The following DAPK1 variants were observed in gnomAD, a reference collection of about 807,000 sequenced individuals.
The protein encoded by DAPK1 is death-associated protein kinase 1.
A neutral mutation model predicts 144.9 loss-of-function variants in DAPK1; 56 were observed. The observed-to-expected ratio is 0.39, with a 90% CI of 0.31 to 0.48. The LOEUF is 0.48. DAPK1 is among the 20% of genes least tolerant of loss of function. DAPK1 has a pLI of 0.95. For synonymous variants in DAPK1, 690 were observed against 749.0 expected, an observed-to-expected ratio of 0.92 and a Z score of 1.29; for missense variants, 1,454 against 1,875.4, an observed-to-expected ratio of 0.78 and a Z score of 4.15.
chr9:87,511,668 T>TTGTGTGTG (rs59377718), intron 2 of DAPK1, among the ~76,000 whole-genome samples: 5,307 of 140,696 alleles, frequency 0.038, 111 homozygotes, highest in Non-Finnish European at 0.048. Context: ...TCTTTTTCTT[T>TTGTGTGTG]TGTGTGTGTG....
intron 11 of DAPK1, among the ~76,000 whole-genome samples, chr9:87,644,459 C>A (rs768051802): frequency 6.6e-6 from 1 of 151,934 alleles, no homozygotes; most frequent in Admixed American, 6.6e-5. Context: ...AAACACCAAG[C>A]TCCCCTTTTT....
intron 15 of DAPK1, among the ~76,000 whole-genome samples, chr9:87,649,590 T>C (rs1318367843): frequency 6.6e-6 from 1 of 152,194 alleles, no homozygotes; most frequent in Non-Finnish European, 1.5e-5. Flanking sequence ...AAGGCTCTAT[T>C]GTTCAGACAA....
chr9:87,661,235 C>G (rs1830836210), intron 18 of DAPK1, among the ~76,000 whole-genome samples: 1 of 152,146 alleles, frequency 6.6e-6, no homozygotes, highest in African/African-American at 2.4e-5. Context: ...AGTTTGATTC[C>G]CTACCTTTGC....
At chr9:87,497,858 C>G (rs937537575), upstream of DAPK1, 8 of 392,562 alleles carry the variant, frequency 2.0e-5, no homozygotes, top group African/African-American at 8.3e-5. Flanking sequence ...GGCAAGGAGC[C>G]GAGAGGCTGC....
chr9:87,676,759 C>T (rs188923214), intron 19 of DAPK1, among the ~76,000 whole-genome samples: 129 of 152,296 alleles, frequency 8.5e-4, no homozygotes, highest in Admixed American at 1.2e-3. Flanking sequence ...CAAAGGGTGC[C>T]CTATTCAGGA....
intron 2 of DAPK1, among the ~76,000 whole-genome samples, chr9:87,538,881 T>A (rs752708798): frequency 8.6e-5 from 13 of 151,916 alleles, no homozygotes; most frequent in Non-Finnish European, 1.5e-4. Flanking sequence ...TTGGCTGTGA[T>A]GAATCTTTGT....
intron 2 of DAPK1, among the ~76,000 whole-genome samples, chr9:87,601,386 C>G (rs1301078763): frequency 6.6e-6 from 1 of 152,216 alleles, no homozygotes; most frequent in Non-Finnish European, 1.5e-5. Flanking sequence ...CAGGGCCAGC[C>G]TGCCTGAGCA....
chr9:87,683,285 A>G (rs1824710833), intron 20 of DAPK1, among the ~76,000 whole-genome samples: 1 of 151,856 alleles, frequency 6.6e-6, no homozygotes, highest in Non-Finnish European at 1.5e-5. Context: ...GTTTCACCAT[A>G]TTGGCCAGGC....
At chr9:87,605,235 G>A (rs901638003) in intron 3 of DAPK1, 60 bp downstream of exon 3, 11 of 1,399,152 alleles carry the variant, frequency 7.9e-6, no homozygotes, top group South Asian at 2.3e-5. Flanking sequence ...TGGCATCTTC[G>A]TTCCAGCTGG....
chr9:87,533,549 G>A (rs12686192), intron 2 of DAPK1, among the ~76,000 whole-genome samples: 23,437 of 152,200 alleles, frequency 0.15, 1,883 homozygotes, highest in Admixed American at 0.18. Flanking sequence ...TTTGAAAGAC[G>A]TAGGCAACCT....
intron 2 of DAPK1, among the ~76,000 whole-genome samples, chr9:87,546,540 A>G (rs1484214549): frequency 6.6e-6 from 1 of 152,208 alleles, no homozygotes; most frequent in Non-Finnish European, 1.5e-5. Context: ...TACAGTTTCT[A>G]GGAATCCACT....
intron 18 of DAPK1, chr9:87,668,342 C>G: frequency 2.1e-6 from 1 of 476,804 alleles, no homozygotes. Flanking sequence ...ACCTGTGGAC[C>G]TGAAAGGTGT....
At chr9:87,598,585 A>G (rs753310428) in intron 2 of DAPK1, among the ~76,000 whole-genome samples, 1 of 152,164 alleles carries the variant, frequency 6.6e-6, no homozygotes, top group Non-Finnish European at 1.5e-5. Context: ...GCTTGGCACC[A>G]GCTTATGCAG....
At chr9:87,516,686 C>T (rs916661757) in intron 2 of DAPK1, among the ~76,000 whole-genome samples, 1 of 152,172 alleles carries the variant, frequency 6.6e-6, no homozygotes, top group African/African-American at 2.4e-5. Context: ...GGGCAGCCCA[C>T]ATGGCTTAAT....
rs1216883050 is a variant in DAPK1 at position 87,640,453 on chromosome 9, G to A, written c.782+3G>A. 6.2e-7 allele frequency: 1 copy of A among 1,613,414 alleles called. No homozygotes were observed. Among genetic ancestry groups the A allele is most frequent in the African/African-American group, 1.3e-5 (1 of 74,932 alleles). ...AGACTTCTGGTCAAGGATCCAAAGT[G>A]AGTGTCCACGTTCCTGAAAGGTGCT... is the stretch of plus-strand genomic sequence containing the variant. On this transcript the variant is annotated splice_donor_region_variant and intron_variant, in intron 8 of 25. Transcript: ENST00000408954.
intron 2 of DAPK1, among the ~76,000 whole-genome samples, chr9:87,574,614 C>T (rs1429941167): frequency 6.6e-6 from 1 of 152,140 alleles, no homozygotes. Flanking sequence ...TGCTGGCAGT[C>T]ATCTAAATTT....
rs762791642 is a variant in DAPK1, at chr9:87,604,954, T to C, written c.63T>C (p.Ser21=). 2 of 1,613,368 alleles carry C rather than the reference T, an allele frequency of 1.2e-6. No individual in the cohort carries two copies. Among genetic ancestry groups the C allele is most frequent in the African/African-American group, 2.7e-5 (2 of 74,926 alleles). The part of the protein sequence containing the change: ...DYYDTGEELG[S]GQFAVVKKCR... ...AGAATCCTCCATCTTCTCTTTTCAG[T>C]GGACAGTTTGCGGTTGTGAAGAAAT... is the stretch of plus-strand genomic sequence containing the variant. The change falls in exon 3 of 26, where the codon AGT becomes AGC. Residue 21 remains serine, a splice_region_variant and synonymous_variant. Transcript: ENST00000408954.
chr9:87,546,036 T>C (rs1183131906), intron 2 of DAPK1, among the ~76,000 whole-genome samples: 3 of 152,142 alleles, frequency 2.0e-5, no homozygotes, highest in African/African-American at 4.8e-5. Context: ...GCATAGAGGG[T>C]TGAGTCATAG....
intron 10 of DAPK1, among the ~76,000 whole-genome samples, chr9:87,642,875 A>G (rs1191778366): frequency 2.6e-5 from 4 of 152,198 alleles, no homozygotes. Flanking sequence ...GAGTAAATGC[A>G]GAGATGTTTG....
Sources: gnomAD v4.1 joint callset for allele counts (sites outside exome capture counted in the v4.1 genomes callset) on GRCh38, gnomAD v4.1.1 for gene constraint, MANE v1.5 for transcripts, NCBI Gene and HGNC (gene_info 2026-07-23, HGNC 2026-07-21) for gene names.